Variants in CADM1 observed in about 807,000 individuals in gnomAD.
The protein encoded by CADM1 is cell adhesion molecule 1, also known as TSLC-1.
In CADM1, 15 loss-of-function variants were observed where a neutral mutation model predicts 53.1. The ratio of observed to expected loss-of-function variants is 0.28; its 90% CI spans 0.19 to 0.44. The LOEUF is 0.44. CADM1 is among the 20% of genes least tolerant of loss of function. The pLI is 1.00. For missense variants in CADM1, 434 were observed against 611.3 expected, an observed-to-expected ratio of 0.71 and a Z score of 3.06; for synonymous variants, 281 against 243.0, an observed-to-expected ratio of 1.16 and a Z score of -1.45.
chr11:115,290,562 T>C (rs1326948105), intron 1 of CADM1, among the ~76,000 whole-genome samples: 1 of 152,172 alleles, frequency 6.6e-6, no homozygotes, highest in Non-Finnish European at 1.5e-5. Context: ...ATGAAGAATT[T>C]ATTATCAGGT....
At chr11:115,356,906 T>G (rs1157045750) in intron 1 of CADM1, among the ~76,000 whole-genome samples, 4 of 152,222 alleles carry the variant, frequency 2.6e-5, no homozygotes, top group African/African-American at 9.6e-5. Context: ...CTACAATTCT[T>G]ATAAGATAGC....
At chr11:115,494,437 T>TA (rs1949566715) in intron 1 of CADM1, among the ~76,000 whole-genome samples, 4 of 152,144 alleles carry the variant, frequency 2.6e-5, no homozygotes. Flanking sequence ...ATATAAAATA[T>TA]AAAAAACTGC....
Position 115,485,499 on chromosome 11 carries a change from G to A in CADM1, c.124+18772C>T, listed in dbSNP as rs533528674. 5.9e-5 allele frequency among the ~76,000 whole-genome samples: 9 copies of A among 152,306 alleles called. No individual in the cohort carries two copies. In the South Asian group the frequency reaches 1.0e-3, roughly 18 times the overall value. On this transcript the variant is annotated intron_variant, in intron 1 of 11. Coordinates refer to ENST00000331581, the MANE Select transcript of CADM1 (RefSeq NM_001301043.2). ...GAATTGTAGCTCCTGTAATTCCCAC[G>A]TGTTGTGGGAGGGACCCAGTGGGAG... is the stretch of plus-strand genomic sequence containing the variant.
Position 115,214,657 on chromosome 11 carries a change from A to C in CADM1, c.945T>G (p.Ala315=), listed in dbSNP as rs764943948. The C allele has an allele frequency of 6.2e-7, 1 of 1,614,082 alleles. No homozygotes were observed. The highest frequency in any genetic ancestry group is 8.5e-7 in the Non-Finnish European group (1 of 1,179,954). ...AGTGAGCTTTCCCCACTATGTTTGA[A>C]GCTTCACAGCGGTATGTACCATTAT... ...KTDNGTYRCE[A]SNIVGKAHSD... Residue 315 remains alanine (A), a synonymous_variant, in exon 7 of 12, where the codon GCT becomes GCG. Transcript: ENST00000331581.
chr11:115,264,275 C>T (rs1943064526), intron 1 of CADM1, among the ~76,000 whole-genome samples: 1 of 152,170 alleles, frequency 6.6e-6, no homozygotes, highest in Admixed American at 6.5e-5. Flanking sequence ...CTTTGTCAGT[C>T]TTGACTTGTT....
intron 1 of CADM1, among the ~76,000 whole-genome samples, chr11:115,479,478 A>G (rs1458428447): frequency 1.3e-5 from 2 of 152,176 alleles, no homozygotes; most frequent in East Asian, 1.9e-4. Context: ...CCAACCCAAA[A>G]AAACGTACAA....
intron 1 of CADM1, among the ~76,000 whole-genome samples, chr11:115,406,684 C>T (rs547469419): frequency 6.6e-6 from 1 of 150,814 alleles, no homozygotes; most frequent in Non-Finnish European, 1.5e-5. Context: ...CTGTGGCTCA[C>T]GCCTCTAATC....
intron 1 of CADM1, among the ~76,000 whole-genome samples, chr11:115,503,185 G>A (rs1188356163): frequency 6.6e-6 from 1 of 152,210 alleles, no homozygotes; most frequent in African/African-American, 2.4e-5. Flanking sequence ...CCTCTCCGCT[G>A]AGGAAGAGCT....
At chr11:115,345,241 C>G in intron 1 of CADM1, among the ~76,000 whole-genome samples, 1 of 152,174 alleles carries the variant, frequency 6.6e-6, no homozygotes, top group Non-Finnish European at 1.5e-5. Context: ...ATAAGCACTT[C>G]TGAGACTACA....
chr11:115,365,562 A>AAT (rs935360311), intron 1 of CADM1, among the ~76,000 whole-genome samples: 6 of 152,136 alleles, frequency 3.9e-5, no homozygotes, highest in East Asian at 3.9e-4. Context: ...AAAAAACAAA[A>AAT]ATATATATAT....
At chr11:115,435,927 T>C (rs527812226) in intron 1 of CADM1, among the ~76,000 whole-genome samples, 13 of 152,328 alleles carry the variant, frequency 8.5e-5, no homozygotes, top group African/African-American at 2.4e-4. Context: ...CAATGTTTTT[T>C]GGCTTGGAAA....
At chr11:115,347,131 T>C (rs1234884224) in intron 1 of CADM1, among the ~76,000 whole-genome samples, 1 of 152,190 alleles carries the variant, frequency 6.6e-6, no homozygotes, top group African/African-American at 2.4e-5. Context: ...GATAGACTGC[T>C]ATAAAGAATC....
chr11:115,455,010 C>A (rs1948651776), intron 1 of CADM1, among the ~76,000 whole-genome samples: 1 of 152,156 alleles, frequency 6.6e-6, no homozygotes, highest in South Asian at 2.1e-4. Context: ...AATTTCTAAA[C>A]CTTCCTTCAA....
At chr11:115,439,730 G>C (rs556030765) in intron 1 of CADM1, among the ~76,000 whole-genome samples, 63 of 152,066 alleles carry the variant, frequency 4.1e-4, no homozygotes, top group African/African-American at 1.5e-3. Flanking sequence ...GTGGTGTTTT[G>C]AGAGAGAGAA....
intron 1 of CADM1, among the ~76,000 whole-genome samples, chr11:115,261,412 T>G (rs1488789210): frequency 6.6e-6 from 1 of 152,198 alleles, no homozygotes; most frequent in African/African-American, 2.4e-5. Context: ...ATTCTAATTA[T>G]AAAAATTATA....
chr11:115,336,713 A>C (rs1945276692), intron 1 of CADM1, among the ~76,000 whole-genome samples: 1 of 152,172 alleles, frequency 6.6e-6, no homozygotes, highest in Admixed American at 6.5e-5. Flanking sequence ...TAGATTTCAC[A>C]GCCAGAATTA....
At chr11:115,405,601 TA>T (rs1947293005) in intron 1 of CADM1, among the ~76,000 whole-genome samples, 1 of 152,002 alleles carries the variant, frequency 6.6e-6, no homozygotes, top group South Asian at 2.1e-4. Flanking sequence ...AATAAATAAA[TA>T]AACAGCGATA....
chr11:115,251,335 A>G (rs1286270705), intron 1 of CADM1, among the ~76,000 whole-genome samples: 2 of 152,198 alleles, frequency 1.3e-5, no homozygotes, highest in East Asian at 1.9e-4. Flanking sequence ...AAACCTTCCA[A>G]ATTTAAAGCT....
intron 1 of CADM1, among the ~76,000 whole-genome samples, chr11:115,424,778 G>A (rs1025062772): frequency 2.0e-5 from 3 of 151,854 alleles, no homozygotes; most frequent in East Asian, 1.9e-4. Flanking sequence ...TGCCCACCTC[G>A]GCCTCCCAAA....
Sources: gnomAD v4.1 joint callset for allele counts (sites outside exome capture counted in the v4.1 genomes callset) on GRCh38, gnomAD v4.1.1 for gene constraint, MANE v1.5 for transcripts, NCBI Gene and HGNC (gene_info 2026-07-23, HGNC 2026-07-21) for gene names.